NRDC: variants seen among roughly 807,000 people sequenced by gnomAD.
NRDC encodes the protein nardilysin convertase, also known as nardilysin.
In NRDC, 54 loss-of-function variants were observed where a neutral mutation model predicts 147.1. The ratio of observed to expected loss-of-function variants is 0.37; its 90% CI spans 0.29 to 0.46. NRDC has a LOEUF of 0.46. Ranked by LOEUF, NRDC falls within the 20% of genes least tolerant of loss-of-function variation. The probability of loss-of-function intolerance (pLI) is 1.00; values close to 1 mark genes in which losing one functional copy is unlikely to be tolerated. For synonymous variants in NRDC, 440 were observed against 482.1 expected, an observed-to-expected ratio of 0.91 and a Z score of 1.14; for missense variants, 1,082 against 1,370.6, an observed-to-expected ratio of 0.79 and a Z score of 3.33.
intron 24 of NRDC, among the ~76,000 whole-genome samples, chr1:51,793,315 A>C (rs538221712): frequency 2.6e-5 from 4 of 152,220 alleles, no homozygotes; most frequent in Non-Finnish European, 5.9e-5. Context: ...AGTCAGAGGC[A>C]CTGAAAATGT....
At position 51,795,890 on chromosome 1, in the gene NRDC, C is replaced by CA. The variant is rs201276441; in HGVS notation, c.2605-1037dup. Among the ~76,000 whole-genome samples, 577 of 150,592 alleles carry CA rather than the reference C, an allele frequency of 3.8e-3. 1 individual carries two copies. Among genetic ancestry groups the CA allele is most frequent in the African/African-American group, 0.012 (510 of 41,058 alleles). ...TTTCTTAAGCACTTCTTTAAACAAA[C>CA]AAAAAAAAACACCAGGGTCTTGCTT... On this transcript the variant is annotated intron_variant, in intron 22 of 30. Coordinates refer to ENST00000352171, the MANE Select transcript of NRDC (RefSeq NM_001101662.2).
In NRDC at chr1:51,795,478, CAGA is replaced by C. The variant is rs999607722; in HGVS notation, c.2605-627_2605-625del. On this transcript the variant is annotated intron_variant, in intron 22 of 30. Coordinates refer to ENST00000352171, the MANE Select transcript of NRDC (RefSeq NM_001101662.2). Reference sequence around the variant, plus strand: ...CTTAAGATTCTTTTGGTGGCCAAGACAGAAACTAAGGCTGGTTCTGGGGTTGCA... The same window carrying C: ...CTTAAGATTCTTTTGGTGGCCAAGACAACTAAGGCTGGTTCTGGGGTTGCA... 5.6e-4 allele frequency: 121 copies of C among 214,568 alleles called. 1 individual carries two copies. The highest frequency in any genetic ancestry group is 2.7e-3 in the African/African-American group (119 of 44,048). The allele number at this position is 214,568 out of a possible 1,614,324, so 13.3% of individuals were successfully genotyped here. A position where few individuals can be genotyped will look rare whatever the true frequency, so the allele number is the denominator to read the frequency against.
At chr1:51,800,438 G>A (rs961112748) in intron 21 of NRDC, 118 bp downstream of exon 21, 10 of 1,168,978 alleles carry the variant, frequency 8.6e-6, no homozygotes, top group South Asian at 1.5e-5. Flanking sequence ...ACTAGAGCAC[G>A]ATTCAAACAC....
chr1:51,852,130 T>C (rs1027062849), intron 1 of NRDC, among the ~76,000 whole-genome samples: 3 of 152,244 alleles, frequency 2.0e-5, no homozygotes, highest in South Asian at 2.1e-4. Context: ...CTGTACTCCA[T>C]TTATGGCTGA....
At chr1:51,874,089 T>C (rs1683212710) in intron 1 of NRDC, among the ~76,000 whole-genome samples, 1 of 150,352 alleles carries the variant, frequency 6.7e-6, no homozygotes, top group Non-Finnish European at 1.5e-5. Context: ...ATGGTGCCTC[T>C]GTACTCCAGC....
At chr1:51,791,106 G>A (rs1376653315) in intron 27 of NRDC, 116 bp from the exon 28 acceptor site, 4 of 708,028 alleles carry the variant, frequency 5.6e-6, no homozygotes, top group Non-Finnish European at 9.4e-6. Flanking sequence ...ATATATCCAG[G>A]AAAAAAAGCT....
chr1:51,866,983 T>C (rs986521415), intron 1 of NRDC, among the ~76,000 whole-genome samples: 7 of 152,202 alleles, frequency 4.6e-5, no homozygotes, highest in African/African-American at 1.4e-4. Context: ...ATATATGCCA[T>C]ATATATTCAA....
intron 1 of NRDC, among the ~76,000 whole-genome samples, chr1:51,858,392 T>TGAGCC (rs1682361372): frequency 6.6e-6 from 1 of 151,528 alleles, no homozygotes; most frequent in Non-Finnish European, 1.5e-5. Context: ...GGTGGGAAAT[T>TGAGCC]CACTTGAGCC....
At chr1:51,815,203 T>A (rs1205752968) in intron 11 of NRDC, among the ~76,000 whole-genome samples, 162 of 140,396 alleles carry the variant, frequency 1.2e-3, no homozygotes, top group African/African-American at 4.1e-3. Context: ...TTTTTTTTTT[T>A]AATAAAGACA....
chr1:51,819,714 T>C (rs946751810), intron 9 of NRDC, 86 bp downstream of exon 9: 2 of 1,063,946 alleles, frequency 1.9e-6, no homozygotes, highest in Non-Finnish European at 2.8e-6. Flanking sequence ...GTGTTCTCAT[T>C]TTCAATGAAA....
At chr1:51,822,344 A>G (rs917626276) in intron 7 of NRDC, among the ~76,000 whole-genome samples, 5 of 152,148 alleles carry the variant, frequency 3.3e-5, no homozygotes, top group African/African-American at 1.2e-4. Context: ...AATGCTAAAA[A>G]TCTAAATCCT....
intron 6 of NRDC, 76 bp downstream of exon 6, chr1:51,825,211 C>A: frequency 9.8e-7 from 1 of 1,017,242 alleles, no homozygotes; most frequent in Admixed American, 2.4e-5. Context: ...TTATAATTTT[C>A]AATTCTTTAT....
intron 1 of NRDC, among the ~76,000 whole-genome samples, chr1:51,870,726 A>C (rs1435007347): frequency 6.6e-6 from 1 of 152,046 alleles, no homozygotes; most frequent in African/African-American, 2.4e-5. Flanking sequence ...CTTAAGATTA[A>C]TCCTGTCACC....
chr1:51,797,884 C>T (rs1174361472), intron 22 of NRDC: 1 of 166,150 alleles, frequency 6.0e-6, no homozygotes, highest in African/African-American at 2.4e-5. Flanking sequence ...GATCCTTCCA[C>T]CTCAGCCTCC....
At chr1:51,795,079 C>T (rs1214426256) in intron 22 of NRDC, 40 of 1,455,686 alleles carry the variant, frequency 2.7e-5, no homozygotes, top group Non-Finnish European at 3.2e-5. Flanking sequence ...TCTTGGCAAT[C>T]TGTTTACCCA....
chr1:51,828,952 C>G (rs1307118218), intron 4 of NRDC, among the ~76,000 whole-genome samples: 1 of 152,050 alleles, frequency 6.6e-6, no homozygotes, highest in Non-Finnish European at 1.5e-5. Context: ...AAACTTTTAA[C>G]TTTTGCTTGC....
chr1:51,818,159 G>T (rs368426682), intron 9 of NRDC, 24 bp from the exon 10 acceptor site: 27 of 1,522,542 alleles, frequency 1.8e-5, no homozygotes, highest in Non-Finnish European at 2.2e-5. Flanking sequence ...TTTTCCAGAA[G>T]AACAGATGTA....
intron 1 of NRDC, chr1:51,862,479 T>A (rs1682591890): frequency 6.6e-6 from 1 of 151,912 alleles, no homozygotes; most frequent in Non-Finnish European, 1.5e-5. Context: ...TCCCAGAATT[T>A]TGGGAGGCTG....
Position 51,856,389 on chromosome 1 carries a change from CAACA to C in NRDC, c.342-15879_342-15876del, listed in dbSNP as rs556162278. Among the ~76,000 whole-genome samples, 198 of 152,250 alleles carry C rather than the reference CAACA, an allele frequency of 1.3e-3. 3 individuals carry two copies. The highest frequency in any genetic ancestry group is 6.0e-4 in the Non-Finnish European group (41 of 68,030). ...GGCTCAGTCCCCAAGACTGCCCTGC[CAACA>C]AACAAACATACCAGTTTCAAGTCCA... On this transcript the variant is annotated intron_variant, in intron 1 of 30. Coordinates refer to ENST00000352171, the MANE Select transcript of NRDC (RefSeq NM_001101662.2).
Sources: allele counts gnomAD v4.1 joint callset (sites outside exome capture counted in the v4.1 genomes callset), GRCh38; gene constraint gnomAD v4.1.1; transcripts MANE v1.5; gene names NCBI Gene and HGNC (gene_info 2026-07-23, HGNC 2026-07-21).